SLC30A5: variants seen among roughly 807,000 people sequenced by gnomAD.
The protein encoded by SLC30A5 is proton-coupled zinc antiporter SLC30A5.
Under a neutral mutation model 79.6 loss-of-function variants are expected in SLC30A5, and 33 were observed. The observed-to-expected ratio is 0.41, with a 90% CI of 0.31 to 0.55. The LOEUF is 0.55. Among genes scored for constraint, SLC30A5 ranks in the 20% least tolerant of loss-of-function variants. SLC30A5 has a pLI of 0.20. For missense variants in SLC30A5, 788 were observed against 928.1 expected (o/e 0.85, Z 1.96); for synonymous variants, 299 against 319.7 (o/e 0.94, Z 0.69).
intron 8 of SLC30A5, 91 bp downstream of exon 8, chr5:69,115,498 TTTTAA>T: frequency 9.3e-7 from 1 of 1,073,800 alleles, no homozygotes; most frequent in Non-Finnish European, 1.3e-6. Flanking sequence ...ATAAATTATA[TTTTAA>T]TTTGAGGTTG....
In SLC30A5 at chr5:69,121,882, T is replaced by C. The variant is rs765642553; in HGVS notation, c.1758T>C (p.Asn586=). Residue 586 remains asparagine (N), a synonymous_variant, in exon 13 of 16, where the codon AAT becomes AAC. Transcript: ENST00000396591. Reference sequence around the variant, plus strand: ...ACGGATCTGCGGGTGGAGGCATGAATGCTAACATGAGGGGTGAGTCCTTGC... The same window carrying C: ...ACGGATCTGCGGGTGGAGGCATGAACGCTAACATGAGGGGTGAGTCCTTGC... The part of the protein sequence containing the change: ...HSHGSAGGGM[N]ANMRGVFLHV... The C allele has an allele frequency of 5.6e-5, 90 of 1,613,288 alleles. No homozygotes were observed. The highest frequency in any genetic ancestry group is 7.0e-5 in the Non-Finnish European group (83 of 1,179,732).
intron 3 of SLC30A5, chr5:69,104,132 C>T: frequency 9.0e-7 from 1 of 1,116,930 alleles, no homozygotes. Context: ...GAATACTGTC[C>T]TTTTTTTTTT....
chr5:69,128,107 T>A lies in SLC30A5; in HGVS notation c.2102T>A (p.Val701Glu), dbSNP rs1280199007. Residue 701 changes from valine to glutamate, a missense_variant, in exon 15 of 16, where the codon GTG (valine) becomes GAG (glutamate). This residue lies in a region of SLC30A5 where 158 missense variants were observed against 156.2 expected (regional missense o/e 1.01). Transcript: ENST00000396591. ...GTIHIQVTSD[V>E]LEQRIVQQVT... ...ATTCATATACAGGTGACATCTGATGTGCTAGAACAAAGAATAGTACAGCAG... is the reference window on the plus strand; with the variant it reads ...ATTCATATACAGGTGACATCTGATGAGCTAGAACAAAGAATAGTACAGCAG... The A allele has an allele frequency of 6.2e-7, 1 of 1,611,286 alleles. No homozygotes were observed. The highest frequency in any genetic ancestry group is 1.3e-5 in the African/African-American group (1 of 74,776).
rs553648879 is a variant in SLC30A5, at chr5:69,128,733, A to C, written c.2127+601A>C. Among the ~76,000 whole-genome samples the C allele has an allele frequency of 1.4e-4, 21 of 152,360 alleles. No homozygotes were observed. The South Asian group carries it at 4.3e-3, about 32-fold the overall frequency. On this transcript the variant is annotated intron_variant, in intron 15 of 15. Coordinates refer to ENST00000396591, the MANE Select transcript of SLC30A5 (RefSeq NM_022902.5). ...TCTTGGTTTCCAGTAGATTATCAAAAAATAAGTTATTATAAATATATTCCT... is the reference window on the plus strand; with the variant it reads ...TCTTGGTTTCCAGTAGATTATCAAACAATAAGTTATTATAAATATATTCCT...
intron 5 of SLC30A5, among the ~76,000 whole-genome samples, chr5:69,111,227 T>C (rs1026840790): frequency 1.3e-5 from 2 of 151,652 alleles, no homozygotes; most frequent in Admixed American, 6.6e-5. Context: ...CTCCTGACCT[T>C]GTGATCTGTC....
intron 7 of SLC30A5, 34 bp from the exon 8 acceptor site, chr5:69,115,203 G>A: frequency 8.1e-7 from 1 of 1,231,534 alleles, no homozygotes; most frequent in Non-Finnish European, 1.2e-6. Context: ...AACTGTGTGT[G>A]TTTCTAATGA....
chr5:69,111,837 G>A (rs1475353736), intron 5 of SLC30A5, among the ~76,000 whole-genome samples: 4 of 152,210 alleles, frequency 2.6e-5, no homozygotes, highest in Non-Finnish European at 5.9e-5. Context: ...ATCATAGAAT[G>A]AAGAGTATCC....
At chr5:69,101,362 A>T (rs1159036029) in intron 2 of SLC30A5, among the ~76,000 whole-genome samples, 1 of 151,386 alleles carries the variant, frequency 6.6e-6, no homozygotes, top group Non-Finnish European at 1.5e-5. Context: ...CTGCAAGATC[A>T]CTGCCTCCTA....
intron 4 of SLC30A5, among the ~76,000 whole-genome samples, chr5:69,106,611 C>T (rs1746085383): frequency 6.6e-6 from 1 of 152,084 alleles, no homozygotes; most frequent in South Asian, 2.1e-4. Context: ...AAGTTCGAGA[C>T]CAGCCTGGAC....
intron 5 of SLC30A5, 67 bp downstream of exon 5, chr5:69,108,503 T>G: frequency 2.6e-6 from 3 of 1,168,090 alleles, no homozygotes; most frequent in Non-Finnish European, 3.8e-6. Context: ...TCCAAAGGAA[T>G]AAAATCTTAT....
At chr5:69,105,446 G>A (rs529457180) in intron 4 of SLC30A5, among the ~76,000 whole-genome samples, 2 of 152,300 alleles carry the variant, frequency 1.3e-5, no homozygotes, top group East Asian at 1.9e-4. Flanking sequence ...TGTGGCTCAC[G>A]CCTGTAATGC....
Position 69,100,600 on chromosome 5 carries a change from G to A in SLC30A5, c.84-207G>A, listed in dbSNP as rs139671619. Among the ~76,000 whole-genome samples, 106 of 104,452 alleles carry A rather than the reference G, an allele frequency of 1.0e-3. No homozygotes were observed. In the Middle Eastern group the frequency reaches 0.019, roughly 19 times the overall value. 68.5% of individuals were successfully genotyped at this position (104,452 alleles called of 152,430 possible). A position where few individuals can be genotyped will look rare whatever the true frequency, so the allele number is the denominator to read the frequency against. On this transcript the variant is annotated intron_variant, in intron 1 of 15. Coordinates refer to ENST00000396591, the MANE Select transcript of SLC30A5 (RefSeq NM_022902.5). ...AGCCTGGGCAACACATTGAGACCCC[G>A]TCTCTATGAGTTAAAAAAAAAAAAA...
rs766964871 is a variant in SLC30A5, at chr5:69,121,858, C to T, written c.1734C>T (p.His578=). 11 of 1,613,558 alleles carry T rather than the reference C, an allele frequency of 6.8e-6. No individual in the cohort carries two copies. Among genetic ancestry groups the T allele is most frequent in the East Asian group, 2.2e-5 (1 of 44,876 alleles). Residue 578 remains histidine, a synonymous_variant, in exon 13 of 16, where the codon CAC becomes CAT. Coordinates refer to ENST00000396591, the MANE Select transcript of SLC30A5 (RefSeq NM_022902.5). ...GTGACCATGGGCATGGTCACAGCCA[C>T]GGATCTGCGGGTGGAGGCATGAATG... ...GHSDHGHGHS[H]GSAGGGMNAN... is the part of the protein sequence containing the mutation.
intron 4 of SLC30A5, 29 bp downstream of exon 4, chr5:69,104,745 T>A (rs1746036210): frequency 1.3e-6 from 2 of 1,590,228 alleles, no homozygotes; most frequent in African/African-American, 2.7e-5. Context: ...TTTGAATGTG[T>A]GTTTGTATTT....
At chr5:69,123,073 T>C in intron 13 of SLC30A5, 126 bp from the exon 14 acceptor site, 1 of 590,740 alleles carries the variant, frequency 1.7e-6, no homozygotes, top group South Asian at 2.8e-5. Context: ...TTTAGGCATT[T>C]TGAAGTACTA....
At position 69,116,137 on chromosome 5, in the gene SLC30A5, A is replaced by G. The variant is rs752994140; in HGVS notation, c.995A>G (p.Asn332Ser). The change falls in exon 9 of 16, where the codon AAC becomes AGC. Residue 332 changes from asparagine to serine, a missense_variant. By Grantham distance (46) the Asn-to-Ser change is conservative. Coordinates refer to ENST00000396591, the MANE Select transcript of SLC30A5 (RefSeq NM_022902.5). This position sits in a 1 kb window ranked among gnomAD's most constrained non-coding sequence, Gnocchi z 4.0. ...ATAACAGACCAGCTTCGGGCTATGA[A>G]CAAAGCAGCACACCAGGAGAGCACT... Reference protein sequence around the residue: ...HPITDQLRAMNKAAHQESTEH... With the variant: ...HPITDQLRAMSKAAHQESTEH... The G allele has an allele frequency of 1.9e-6, 3 of 1,614,206 alleles. No individual in the cohort carries two copies. Among genetic ancestry groups the G allele is most frequent in the Non-Finnish European group, 2.5e-6 (3 of 1,180,034 alleles).
Position 69,127,968 on chromosome 5 carries a change from T to C in SLC30A5, c.1999-36T>C, listed in dbSNP as rs762339727. 4.4e-6 allele frequency: 7 copies of C among 1,576,830 alleles called. No homozygotes were observed. In the Admixed American group the frequency reaches 8.5e-5, roughly 19 times the overall value. ...CTCCATTGTGTTGTGTAAAGTAGCC[T>C]GTATGACCATTTATATCACCTCTTT... On this transcript the variant is annotated intron_variant, in intron 14 of 15. Transcript: ENST00000396591.
chr5:69,104,490 A>G, intron 3 of SLC30A5, 141 bp from the exon 4 acceptor site: 2 of 1,394,338 alleles, frequency 1.4e-6, no homozygotes, highest in Non-Finnish European at 1.8e-6. Context: ...AAGGGATCTT[A>G]TGTTTTCTAT....
At chr5:69,097,991 G>A (rs1326508763) in intron 1 of SLC30A5, among the ~76,000 whole-genome samples, 2 of 152,138 alleles carry the variant, frequency 1.3e-5, no homozygotes, top group African/African-American at 4.8e-5. Flanking sequence ...GGAGACGGGA[G>A]AGGAGAGGAG....
Sources: allele counts gnomAD v4.1 joint callset (sites outside exome capture counted in the v4.1 genomes callset), GRCh38; gene constraint gnomAD v4.1.1; regional missense constraint gnomAD v4.1.1; non-coding constraint Gnocchi (gnomAD v3.1); transcripts MANE v1.5; gene names NCBI Gene and HGNC (gene_info 2026-07-23, HGNC 2026-07-21).